NRXN3: variants seen among roughly 807,000 people sequenced by gnomAD.
The protein encoded by NRXN3 is neurexin III.
Under a neutral mutation model 137.6 loss-of-function variants are expected in NRXN3, and 32 were observed. The observed-to-expected ratio is 0.23, with a 90% CI of 0.18 to 0.31. The LOEUF (loss-of-function observed/expected upper bound fraction) is 0.31. Ranked by LOEUF, NRXN3 falls within the 10% of genes least tolerant of loss-of-function variation. NRXN3 has a pLI of 1.00. For synonymous variants in NRXN3, 798 were observed against 784.5 expected (o/e 1.02, Z -0.29); for missense variants, 1,574 against 2,062.5 (o/e 0.76, Z 4.59).
chr14:79,274,589 A>G (rs745799159), intron 15 of NRXN3, among the ~76,000 whole-genome samples: 1 of 151,616 alleles, frequency 6.6e-6, no homozygotes, highest in Non-Finnish European at 1.5e-5. Flanking sequence ...TCTCTATGAG[A>G]AACTAATTAA....
At chr14:79,208,784 A>G (rs2067186851) in intron 15 of NRXN3, among the ~76,000 whole-genome samples, 1 of 152,188 alleles carries the variant, frequency 6.6e-6, no homozygotes, top group African/African-American at 2.4e-5. Flanking sequence ...AATGTTTGTA[A>G]TTATATCCTT....
intron 8 of NRXN3, among the ~76,000 whole-genome samples, chr14:78,783,721 C>T (rs923646611): frequency 6.6e-6 from 1 of 151,970 alleles, no homozygotes; most frequent in Non-Finnish European, 1.5e-5. Context: ...TTTGTCCTTC[C>T]AGTTTGCTTA....
intron 10 of NRXN3, among the ~76,000 whole-genome samples, chr14:78,849,469 G>C (rs1300356946): frequency 2.0e-5 from 3 of 151,998 alleles, no homozygotes; most frequent in Non-Finnish European, 4.4e-5. Flanking sequence ...TGACACCCAG[G>C]GGCCCTCCAA....
At chr14:78,940,893 A>G (rs1247058117) in intron 10 of NRXN3, among the ~76,000 whole-genome samples, 1 of 152,162 alleles carries the variant, frequency 6.6e-6, no homozygotes, top group Non-Finnish European at 1.5e-5. Context: ...GTCCCAAGAG[A>G]GCTGGATCAG....
In NRXN3 at chr14:79,749,142, G is replaced by A. The variant is rs138989605; in HGVS notation, c.4014+51205G>A. ...CCCAGCCTGTGTCAGCCACCTGCCTGCTACAAGCTGTGAGAAGTTAATCGT... is the reference window on the plus strand; with the variant it reads ...CCCAGCCTGTGTCAGCCACCTGCCTACTACAAGCTGTGAGAAGTTAATCGT... On this transcript the variant is annotated intron_variant, in intron 19 of 20. Coordinates refer to ENST00000335750, the MANE Select transcript of NRXN3 (RefSeq NM_001330195.2). Among the ~76,000 whole-genome samples the A allele has an allele frequency of 5.2e-3, 794 of 152,220 alleles. 2 individuals carry two copies. Among genetic ancestry groups the A allele is most frequent in the Middle Eastern group, 0.014 (4 of 294 alleles).
rs893402942 is a variant in NRXN3 at position 79,865,944 on chromosome 14, T to G, written c.*3980T>G. On this transcript the variant is annotated 3_prime_UTR_variant, in exon 21 of 21. Coordinates refer to ENST00000335750, the MANE Select transcript of NRXN3 (RefSeq NM_001330195.2). ...TGAGCCACTCCTCCTGAAATCTTTCTAAATCTCACTAATATATAATTCTAG... is the reference window on the plus strand; with the variant it reads ...TGAGCCACTCCTCCTGAAATCTTTCGAAATCTCACTAATATATAATTCTAG... The G allele has an allele frequency of 6.6e-6, 1 of 152,220 alleles. No homozygotes were observed. Among genetic ancestry groups the G allele is most frequent in the African/African-American group, 2.4e-5 (1 of 41,460 alleles). The allele number at this position is 152,220 out of a possible 1,614,324, so 9.4% of individuals were successfully genotyped here.
intron 10 of NRXN3, among the ~76,000 whole-genome samples, chr14:78,912,528 A>G (rs919575386): frequency 1.3e-5 from 2 of 152,032 alleles, no homozygotes; most frequent in African/African-American, 4.8e-5. Flanking sequence ...ACTGCTGCTC[A>G]TATTGTCCTT....
At position 78,780,130 on chromosome 14, in the gene NRXN3, A is replaced by G. The variant is rs1011612477; in HGVS notation, c.2045-23490A>G. Reference sequence around the variant, plus strand: ...AAATAGGCACACCAGCCTGTGGGACACAATAGAGCTCAGTAACTGTTCCTT... The same window carrying G: ...AAATAGGCACACCAGCCTGTGGGACGCAATAGAGCTCAGTAACTGTTCCTT... On this transcript the variant is annotated intron_variant, in intron 8 of 20. Coordinates refer to ENST00000335750, the MANE Select transcript of NRXN3 (RefSeq NM_001330195.2). 1.9e-4 allele frequency among the ~76,000 whole-genome samples: 29 copies of G among 152,344 alleles called. 1 individual carries two copies. The highest frequency in any genetic ancestry group is 2.0e-4 in the Admixed American group (3 of 15,304).
At chr14:79,370,208 A>G (rs1795750189) in intron 15 of NRXN3, among the ~76,000 whole-genome samples, 2 of 152,144 alleles carry the variant, frequency 1.3e-5, no homozygotes. Flanking sequence ...CTTTCTACAC[A>G]TTATTGCATT....
intron 15 of NRXN3, among the ~76,000 whole-genome samples, chr14:79,083,778 AG>A (rs1243689101): frequency 6.6e-6 from 1 of 152,250 alleles, no homozygotes; most frequent in East Asian, 1.9e-4. Context: ...AAAAGTCATC[AG>A]GGGTTTTACA....
At chr14:78,315,474 A>G (rs2078596720) in intron 4 of NRXN3, among the ~76,000 whole-genome samples, 1 of 152,266 alleles carries the variant, frequency 6.6e-6, no homozygotes, top group South Asian at 2.1e-4. Flanking sequence ...GCTGTGTTAC[A>G]GCAAATTCCA....
chr14:78,906,516 A>G (rs1332719784), intron 10 of NRXN3, among the ~76,000 whole-genome samples: 2 of 151,998 alleles, frequency 1.3e-5, no homozygotes, highest in African/African-American at 4.8e-5. Flanking sequence ...TTAACCATTT[A>G]TTACTATTTT....
intron 15 of NRXN3, among the ~76,000 whole-genome samples, chr14:79,359,640 G>C (rs1277129299): frequency 6.7e-6 from 1 of 148,322 alleles, no homozygotes; most frequent in Non-Finnish European, 1.5e-5. Flanking sequence ...GCGTGATCTT[G>C]GCTCACTGCA....
intron 16 of NRXN3, among the ~76,000 whole-genome samples, chr14:79,631,230 G>C (rs1409814108): frequency 1.3e-5 from 2 of 152,230 alleles, no homozygotes; most frequent in African/African-American, 2.4e-5. Context: ...ATAGTCAATT[G>C]CCAACAGCAG....
chr14:79,681,816 G>A (rs557966566), intron 17 of NRXN3, among the ~76,000 whole-genome samples: 7 of 151,212 alleles, frequency 4.6e-5, no homozygotes, highest in Non-Finnish European at 7.4e-5. Flanking sequence ...TATTTCCCTC[G>A]TAAATTTTCT....
At chr14:78,886,574 A>C (rs2099144443) in intron 10 of NRXN3, among the ~76,000 whole-genome samples, 1 of 152,142 alleles carries the variant, frequency 6.6e-6, no homozygotes, top group African/African-American at 2.4e-5. Flanking sequence ...TGATTGAAGA[A>C]TCAAAGACAT....
intron 15 of NRXN3, among the ~76,000 whole-genome samples, chr14:79,006,516 A>C (rs2099553287): frequency 6.6e-6 from 1 of 152,108 alleles, no homozygotes; most frequent in Non-Finnish European, 1.5e-5. Flanking sequence ...ACATTTAAGA[A>C]ATTTACTCCA....
At chr14:79,721,079 G>A (rs2215839) in intron 19 of NRXN3, among the ~76,000 whole-genome samples, 67,817 of 151,924 alleles carry the variant, frequency 0.45, 15,697 homozygotes, top group Middle Eastern at 0.6. Context: ...TAATTAGATA[G>A]TCAACTATTT....
intron 1 of NRXN3, among the ~76,000 whole-genome samples, chr14:78,225,342 G>C (rs2064406093): frequency 6.6e-6 from 1 of 152,178 alleles, no homozygotes; most frequent in African/African-American, 2.4e-5. Context: ...GCATTTCTCT[G>C]ATGGTCAGGG....
Sources: gnomAD v4.1 joint callset for allele counts (sites outside exome capture counted in the v4.1 genomes callset) on GRCh38, gnomAD v4.1.1 for gene constraint, MANE v1.5 for transcripts, NCBI Gene and HGNC (gene_info 2026-07-23, HGNC 2026-07-21) for gene names.